EDRF1: variants seen among roughly 807,000 people sequenced by gnomAD.
The protein encoded by EDRF1 is erythroid differentiation regulatory factor 1, also known as erythroid differentiation-related factor 1.
A neutral mutation model predicts 148.7 loss-of-function variants in EDRF1; 69 were observed. The ratio of observed to expected loss-of-function variants is 0.46; its 90% confidence interval spans 0.38 to 0.57. The LOEUF is 0.57. Ranked by LOEUF, EDRF1 falls within the 20% of genes least tolerant of loss-of-function variation. The pLI, the probability that EDRF1 is intolerant of heterozygous loss-of-function variation, is 0.00. For synonymous variants in EDRF1, 515 were observed against 532.8 expected (o/e 0.97, Z 0.46); for missense variants, 1,118 against 1,478.7 (o/e 0.76, Z 4.00).
chr10:125,723,058 T>C lies in EDRF1; in HGVS notation c.318-10T>C. 1 of 1,612,768 alleles carries C rather than the reference T, an allele frequency of 6.2e-7. No homozygotes were observed. Among genetic ancestry groups the C allele is most frequent in the African/African-American group, 1.3e-5 (1 of 75,014 alleles). ...ACCTCATAACCTGTGTCCTTTTTTC[T>C]CTTTGGTAGCTTTGGCATGGCATAT... On this transcript the variant is annotated splice_polypyrimidine_tract_variant and intron_variant, in intron 2 of 24. Transcript: ENST00000356792.
At chr10:125,737,850 C>A (rs530362837) in intron 13 of EDRF1, 68 bp from the exon 14 acceptor site, 1 of 1,479,020 alleles carries the variant, frequency 6.8e-7, no homozygotes, top group South Asian at 1.1e-5. Context: ...ATTTAATCTT[C>A]AACAAAAACA....
intron 13 of EDRF1, among the ~76,000 whole-genome samples, chr10:125,737,451 C>G (rs1173856394): frequency 1.3e-5 from 2 of 152,194 alleles, no homozygotes; most frequent in Non-Finnish European, 2.9e-5. Flanking sequence ...TGCTTCTCTT[C>G]TGTGCAATGA....
chr10:125,753,569 G>T, intron 23 of EDRF1, 125 bp from the exon 24 acceptor site: 2 of 1,070,600 alleles, frequency 1.9e-6, no homozygotes, highest in Admixed American at 1.8e-5. Flanking sequence ...TGTGCTTTTT[G>T]TTTGTTTGTC....
intron 24 of EDRF1, among the ~76,000 whole-genome samples, chr10:125,762,447 G>T (rs1233520409): frequency 6.6e-6 from 1 of 151,286 alleles, no homozygotes; most frequent in Non-Finnish European, 1.5e-5. Flanking sequence ...TTGTTACCTG[G>T]TATCTGGTTA....
intron 24 of EDRF1, among the ~76,000 whole-genome samples, chr10:125,759,369 CCT>C (rs930892012): frequency 1.3e-5 from 2 of 152,340 alleles, no homozygotes; most frequent in South Asian, 2.1e-4. Flanking sequence ...GGCTGCCCCA[CCT>C]CTCTCATGGA....
chr10:125,739,201 T>TC (rs1249611684), intron 15 of EDRF1, among the ~76,000 whole-genome samples: 1 of 152,236 alleles, frequency 6.6e-6, no homozygotes, highest in African/African-American at 2.4e-5. Context: ...GGACCCTTCT[T>TC]CTTTTCCTGA....
chr10:125,738,715 G>A (rs1039299511), intron 15 of EDRF1, among the ~76,000 whole-genome samples: 7 of 152,312 alleles, frequency 4.6e-5, no homozygotes, highest in African/African-American at 1.7e-4. Context: ...TGGAGTTCTC[G>A]CTGGATCGTG....
intron 15 of EDRF1, among the ~76,000 whole-genome samples, chr10:125,739,820 A>T (rs1848920727): frequency 6.6e-6 from 1 of 152,226 alleles, no homozygotes; most frequent in South Asian, 2.1e-4. Context: ...GTTATCAAGG[A>T]TAGAGGCCAT....
chr10:125,756,197 C>G (rs914627126), intron 24 of EDRF1, among the ~76,000 whole-genome samples: 2 of 152,112 alleles, frequency 1.3e-5, no homozygotes, highest in East Asian at 1.9e-4. Context: ...TCCTTTGACC[C>G]ATTTGTTATT....
chr10:125,764,092 G>A lies in EDRF1; in HGVS notation c.*620G>A, dbSNP rs547933700. On this transcript the variant is annotated 3_prime_UTR_variant, in exon 25 of 25. Coordinates refer to ENST00000356792, the MANE Select transcript of EDRF1 (RefSeq NM_001202438.2). The stretch of plus-strand genomic sequence containing the variant: ...TTTTTCATTTCAAACTTGAAACTGT[G>A]AATAAGGTAAGAAAACTATTTTGAA... 1.3e-5 allele frequency: 2 copies of A among 152,712 alleles called. No individual in the cohort carries two copies. The highest frequency in any genetic ancestry group is 2.4e-5 in the African/African-American group (1 of 41,524). The allele number at this position is 152,712 out of a possible 1,614,324, so 9.5% of individuals were successfully genotyped here. A position where few individuals can be genotyped will look rare whatever the true frequency, so the allele number is the denominator to read the frequency against.
In EDRF1 at chr10:125,734,434, ATATAT is replaced by A. The variant is rs1243653718; in HGVS notation, c.1497+253_1497+257del. Among the ~76,000 whole-genome samples the A allele has an allele frequency of 2.0e-5, 3 of 152,160 alleles. No homozygotes were observed. The East Asian group carries it at 5.8e-4, about 29-fold the overall frequency. On this transcript the variant is annotated intron_variant, in intron 12 of 24. Transcript: ENST00000356792. ...ATTACATGTTGAAATGCAATATTAC[ATATAT>A]TGGATTAAATATATTTAAGTTGATT...
At chr10:125,745,154 A>T in intron 18 of EDRF1, 1 of 166,066 alleles carries the variant, frequency 6.0e-6, no homozygotes, top group Non-Finnish European at 1.3e-5. Context: ...ATGGTGAGAG[A>T]CTTCATCAAG....
intron 24 of EDRF1, among the ~76,000 whole-genome samples, chr10:125,754,478 T>C (rs1199626868): frequency 6.6e-6 from 1 of 152,228 alleles, no homozygotes; most frequent in Non-Finnish European, 1.5e-5. Flanking sequence ...TGCTTCTGAA[T>C]GTTGTCATTA....
In EDRF1 at chr10:125,738,476, T is replaced by C; in HGVS notation, c.1981+31T>C. The C allele has an allele frequency of 2.5e-6, 4 of 1,613,536 alleles. No homozygotes were observed. In the East Asian group the frequency reaches 8.9e-5, roughly 36 times the overall value. ...TTGAATTGATGTGCAAATAAGGCCT[T>C]CAATAGAATAATACACTGGTTCTTT... On this transcript the variant is annotated intron_variant, in intron 15 of 24. Coordinates refer to ENST00000356792, the MANE Select transcript of EDRF1 (RefSeq NM_001202438.2).
intron 9 of EDRF1, 80 bp downstream of exon 9, chr10:125,730,479 G>T: frequency 8.8e-7 from 1 of 1,137,048 alleles, no homozygotes; most frequent in South Asian, 1.2e-5. Flanking sequence ...TTACGGCCCT[G>T]AAGTACTAAG....
rs1849706487 is a variant in EDRF1 at position 125,752,822 on chromosome 10, T to C, written c.3301T>C (p.Leu1101=). 1 of 1,613,824 alleles carries C rather than the reference T, an allele frequency of 6.2e-7. No individual in the cohort carries two copies. Among genetic ancestry groups the C allele is most frequent in the Non-Finnish European group, 8.5e-7 (1 of 1,179,804 alleles). The change falls in exon 23 of 25, where the codon TTG becomes CTG. Residue 1101 remains leucine, a synonymous_variant. Transcript: ENST00000356792. ...MTSQNSNVGK[L]KTLSGALDIM... ...AGGTCAGAATAGCAATGTTGGAAAG[T>C]TGAAAACACTATCTGGGGCTCTTGA...
At chr10:125,751,404 G>GTTTTTTT (rs60964364) in intron 22 of EDRF1, among the ~76,000 whole-genome samples, 24 of 140,666 alleles carry the variant, frequency 1.7e-4, no homozygotes, top group Non-Finnish European at 2.3e-4. Flanking sequence ...TTTACCCAGT[G>GTTTTTTT]TTTTTTTTTT....
rs1850284272 is a variant in EDRF1, at chr10:125,763,615, TGACA to T, written c.*148_*151del. On this transcript the variant is annotated 3_prime_UTR_variant, in exon 25 of 25. Coordinates refer to ENST00000356792, the MANE Select transcript of EDRF1 (RefSeq NM_001202438.2). The surrounding 1 kb of genome is among the most constrained non-coding windows in gnomAD (Gnocchi z 4.3). ...AGTGGAAACACAGAGTTATTTTAAG[TGACA>T]GACAAATTACGGTTGAGTTCTGTGG... 6 of 986,202 alleles carry T rather than the reference TGACA, an allele frequency of 6.1e-6. No individual in the cohort carries two copies. Among genetic ancestry groups the T allele is most frequent in the Non-Finnish European group, 7.5e-6 (5 of 666,684 alleles). 61.1% of individuals were successfully genotyped at this position (986,202 alleles called of 1,614,324 possible).
At chr10:125,733,841 T>C in intron 11 of EDRF1, 98 bp downstream of exon 11, 1 of 1,148,484 alleles carries the variant, frequency 8.7e-7, no homozygotes, top group Admixed American at 1.9e-5. Flanking sequence ...TAAATGCTTT[T>C]AGGTTTTCAT....
Sources: gnomAD v4.1 joint callset for allele counts (sites outside exome capture counted in the v4.1 genomes callset) on GRCh38, gnomAD v4.1.1 for gene constraint, Gnocchi (gnomAD v3.1) non-coding constraint, MANE v1.5 for transcripts, NCBI Gene and HGNC (gene_info 2026-07-23, HGNC 2026-07-21) for gene names.